Variants in ANK3 observed in about 807,000 individuals in gnomAD.
ANK3 encodes ankyrin 3.
Under a neutral mutation model 370.9 loss-of-function variants are expected in ANK3, and 57 were observed. The observed-to-expected ratio is 0.15, with a 90% CI of 0.12 to 0.19. ANK3 has a LOEUF of 0.19. Ranked by LOEUF, ANK3 falls within the 10% of genes least tolerant of loss-of-function variation. The pLI is 1.00. For synonymous variants in ANK3, 1,929 were observed against 1,946.3 expected (o/e 0.99, Z 0.23); for missense variants, 4,439 against 5,302.1 (o/e 0.84, Z 5.06).
At chr10:60,087,544 A>G (rs143514348) in intron 29 of ANK3, among the ~76,000 whole-genome samples, 1,629 of 152,320 alleles carry the variant, frequency 0.011, 13 homozygotes, top group Non-Finnish European at 0.018. Context: ...ATTGGGCAGG[A>G]GAGTCCAGCC....
chr10:60,389,341 C>A (rs1223603153), intron 1 of ANK3, 84 bp downstream of exon 1: 2 of 1,304,688 alleles, frequency 1.5e-6, no homozygotes, highest in Non-Finnish European at 2.2e-6. Context: ...GTAAAAATAA[C>A]CCTTAATGCT....
chr10:60,442,096 CT>C (rs34573283), intron 2 of ANK3, among the ~76,000 whole-genome samples: 1,874 of 134,914 alleles, frequency 0.014, 14 homozygotes, highest in African/African-American at 0.022. Flanking sequence ...CTCCCATATA[CT>C]TTTTTTTTTT....
At chr10:60,239,549 A>G (rs1309016747) in intron 7 of ANK3, among the ~76,000 whole-genome samples, 1 of 152,210 alleles carries the variant, frequency 6.6e-6, no homozygotes, top group African/African-American at 2.4e-5. Context: ...AAGGAGTAAT[A>G]AAGACTTTTT....
At chr10:60,136,521 T>C (rs2094352786) in intron 24 of ANK3, among the ~76,000 whole-genome samples, 1 of 152,174 alleles carries the variant, frequency 6.6e-6, no homozygotes, top group South Asian at 2.1e-4. Flanking sequence ...CAGTTTTCTA[T>C]GTAGACAAAC....
At chr10:60,224,859 A>G (rs1214197173) in intron 8 of ANK3, among the ~76,000 whole-genome samples, 1 of 151,998 alleles carries the variant, frequency 6.6e-6, no homozygotes, top group Non-Finnish European at 1.5e-5. Context: ...ACTAAAGGGC[A>G]TCACTTACAG....
chr10:60,138,765 C>A, intron 24 of ANK3, 199 bp downstream of exon 24: 3 of 653,746 alleles, frequency 4.6e-6, no homozygotes, highest in South Asian at 4.1e-5. Context: ...TTAACATGTT[C>A]AATCACATGA....
At chr10:60,580,109 A>G (rs542100283) in intron 2 of ANK3, among the ~76,000 whole-genome samples, 7 of 152,322 alleles carry the variant, frequency 4.6e-5, no homozygotes, top group Admixed American at 2.0e-4. Flanking sequence ...TGGCTGGTAG[A>G]ACACTCTTCA....
chr10:60,453,912 A>G (rs2064677333), intron 2 of ANK3, among the ~76,000 whole-genome samples: 1 of 152,230 alleles, frequency 6.6e-6, no homozygotes, highest in South Asian at 2.1e-4. Flanking sequence ...ACTGTTGGTA[A>G]CTAGAAACTG....
intron 7 of ANK3, among the ~76,000 whole-genome samples, chr10:60,249,378 T>G (rs73269501): frequency 0.038 from 5,750 of 152,290 alleles, 337 homozygotes; most frequent in African/African-American, 0.13. Context: ...CAAAAATTCT[T>G]AAAAAAGTAA....
chr10:60,313,900 C>T (rs1317121826), intron 1 of ANK3, among the ~76,000 whole-genome samples: 1 of 151,632 alleles, frequency 6.6e-6, no homozygotes. Flanking sequence ...TCACCCATTA[C>T]CCTTGTCCCT....
intron 7 of ANK3, among the ~76,000 whole-genome samples, chr10:60,257,803 A>G (rs1489101400): frequency 6.6e-6 from 1 of 152,208 alleles, no homozygotes; most frequent in African/African-American, 2.4e-5. Flanking sequence ...TGAGGTATAG[A>G]ATCCAAACAC....
intron 1 of ANK3, among the ~76,000 whole-genome samples, chr10:60,322,324 C>T (rs996472488): frequency 3.3e-5 from 5 of 152,144 alleles, no homozygotes; most frequent in Admixed American, 6.5e-5. Context: ...CTTTGAAATA[C>T]TGATTGCAGA....
chr10:60,309,718 A>G (rs900870777), intron 1 of ANK3, among the ~76,000 whole-genome samples: 2 of 152,264 alleles, frequency 1.3e-5, no homozygotes, highest in East Asian at 3.9e-4. Flanking sequence ...TTAAAGAAAA[A>G]ACAGCTGTAG....
chr10:60,433,001 T>C (rs973478244), intron 2 of ANK3, among the ~76,000 whole-genome samples: 4 of 152,204 alleles, frequency 2.6e-5, no homozygotes, highest in African/African-American at 9.7e-5. Context: ...AGAGTCCCTT[T>C]GAGACCAAGA....
At chr10:60,716,691 C>T (rs1025465823) in intron 1 of ANK3, among the ~76,000 whole-genome samples, 11 of 151,958 alleles carry the variant, frequency 7.2e-5, no homozygotes, top group Non-Finnish European at 1.5e-4. Context: ...CTTTTTTTTA[C>T]TTTTAGTAGA....
At chr10:60,584,488 A>C (rs1223074248) in intron 2 of ANK3, among the ~76,000 whole-genome samples, 1 of 151,998 alleles carries the variant, frequency 6.6e-6, no homozygotes, top group Non-Finnish European at 1.5e-5. Flanking sequence ...TGTGGTGGCA[A>C]GTGCCTGTAG....
intron 2 of ANK3, among the ~76,000 whole-genome samples, chr10:60,514,724 G>A (rs186155703): frequency 1.3e-5 from 2 of 152,078 alleles, no homozygotes; most frequent in African/African-American, 2.4e-5. Context: ...TTTCTTCTTC[G>A]AGATTGGCAA....
At chr10:60,724,177 TC>T (rs2079907514) in intron 1 of ANK3, among the ~76,000 whole-genome samples, 1 of 107,012 alleles carries the variant, frequency 9.3e-6, no homozygotes, top group Non-Finnish European at 1.7e-5. Flanking sequence ...GCCACTGCAC[TC>T]CAGCCTGGGC....
chr10:60,392,549 T>C (rs2063133659), upstream of ANK3, among the ~76,000 whole-genome samples: 1 of 152,196 alleles, frequency 6.6e-6, no homozygotes, highest in Non-Finnish European at 1.5e-5. Flanking sequence ...TCTCCAGTCC[T>C]ACTACTTGCC....
Sources: allele counts gnomAD v4.1 joint callset (sites outside exome capture counted in the v4.1 genomes callset), GRCh38; gene constraint gnomAD v4.1.1; transcripts MANE v1.5; gene names NCBI Gene and HGNC (gene_info 2026-07-23, HGNC 2026-07-21).